Variants in CDK8 observed in about 807,000 individuals in gnomAD.
CDK8 encodes cyclin dependent kinase 8, also known as cyclin-dependent kinase 8.
In CDK8, 29 loss-of-function variants were observed where a neutral mutation model predicts 71.5. That is an observed-to-expected ratio of 0.41 (90% CI 0.30 to 0.55). CDK8 has a LOEUF of 0.55. CDK8 is among the 20% of genes least tolerant of loss of function. The pLI is 0.37. For synonymous variants in CDK8, 161 were observed against 192.1 expected, an observed-to-expected ratio of 0.84 and a Z score of 1.34; for missense variants, 288 against 572.6, an observed-to-expected ratio of 0.50 and a Z score of 5.07.
At chr13:26,331,119 T>G (rs1875295908) in intron 1 of CDK8, among the ~76,000 whole-genome samples, 1 of 152,238 alleles carries the variant, frequency 6.6e-6, no homozygotes, top group Admixed American at 6.5e-5. Flanking sequence ...ATCTTTTGTC[T>G]TTTTAATGAA....
intron 4 of CDK8, among the ~76,000 whole-genome samples, chr13:26,376,517 A>G (rs781040081): frequency 2.0e-5 from 3 of 152,212 alleles, no homozygotes; most frequent in Admixed American, 1.3e-4. Flanking sequence ...ATTCTTTATT[A>G]GAAGTAAGTT....
intron 1 of CDK8, among the ~76,000 whole-genome samples, chr13:26,263,668 G>C (rs1392628242): frequency 6.9e-6 from 1 of 145,862 alleles, no homozygotes; most frequent in Non-Finnish European, 1.5e-5. Flanking sequence ...ACAAACTTCT[G>C]ACCTTAGGGA....
chr13:26,353,734 T>C lies in CDK8; in HGVS notation c.316-6T>C. ...GCTTCTGTTGATATTTTTTTCTTTC[T>C]TTCAGCATATAATCAAGTTTCACAG... On this transcript the variant is annotated splice_polypyrimidine_tract_variant and splice_region_variant and intron_variant, in intron 3 of 12. Coordinates refer to ENST00000381527, the MANE Select transcript of CDK8 (RefSeq NM_001260.3). 1 of 1,600,036 alleles carries C rather than the reference T, an allele frequency of 6.2e-7. No individual in the cohort carries two copies. Among genetic ancestry groups the C allele is most frequent in the Non-Finnish European group, 8.5e-7 (1 of 1,172,546 alleles).
At chr13:26,339,569 T>C (rs1873137784) in intron 2 of CDK8, among the ~76,000 whole-genome samples, 1 of 150,916 alleles carries the variant, frequency 6.6e-6, no homozygotes, top group Non-Finnish European at 1.5e-5. Context: ...AGCATTATCA[T>C]ATAAATTTTT....
At chr13:26,359,028 A>T (rs1874018017) in intron 4 of CDK8, 1 of 303,270 alleles carries the variant, frequency 3.3e-6, no homozygotes, top group South Asian at 2.9e-5. Flanking sequence ...CTCTGTCTGT[A>T]AAATAAAAAT....
chr13:26,353,682 C>T, intron 3 of CDK8, 58 bp from the exon 4 acceptor site: 2 of 1,318,254 alleles, frequency 1.5e-6, no homozygotes, highest in Admixed American at 2.3e-5. Flanking sequence ...AAATATTATA[C>T]ATCAAATTAT....
intron 1 of CDK8, among the ~76,000 whole-genome samples, chr13:26,311,091 G>A (rs1241431819): frequency 6.9e-6 from 1 of 145,766 alleles, no homozygotes; most frequent in Non-Finnish European, 1.5e-5. Flanking sequence ...ATAGACTGCA[G>A]ATTTTTAACA....
chr13:26,377,404 T>G (rs1412925091), intron 4 of CDK8, among the ~76,000 whole-genome samples: 2 of 152,258 alleles, frequency 1.3e-5, no homozygotes, highest in Non-Finnish European at 2.9e-5. Flanking sequence ...CCTCAGTGCC[T>G]CTTAATTCAG....
intron 1 of CDK8, among the ~76,000 whole-genome samples, chr13:26,279,714 A>G (rs1354497527): frequency 1.3e-5 from 2 of 152,208 alleles, no homozygotes; most frequent in African/African-American, 4.8e-5. Context: ...ATTTAATAAA[A>G]ACTCATACAA....
At chr13:26,372,477 G>T (rs1308698900) in intron 4 of CDK8, among the ~76,000 whole-genome samples, 1 of 152,198 alleles carries the variant, frequency 6.6e-6, no homozygotes, top group Non-Finnish European at 1.5e-5. Flanking sequence ...CACAAATGAT[G>T]TAGTTAATTT....
chr13:26,356,014 A>T (rs1282659538), intron 4 of CDK8, among the ~76,000 whole-genome samples: 1 of 152,246 alleles, frequency 6.6e-6, no homozygotes, highest in Non-Finnish European at 1.5e-5. Flanking sequence ...AGTTTCTTTT[A>T]TCTCTCTTAT....
intron 1 of CDK8, among the ~76,000 whole-genome samples, chr13:26,328,529 A>G (rs1227721477): frequency 6.6e-6 from 1 of 152,226 alleles, no homozygotes; most frequent in East Asian, 1.9e-4. Context: ...TAATCAGTAT[A>G]TAACAATTTT....
chr13:26,385,063 A>C lies in CDK8; in HGVS notation c.515-148A>C, dbSNP rs17083976. 0.019 allele frequency: 12,115 copies of C among 637,240 alleles called. 1,107 individuals carry two copies. The African/African-American group carries it at 0.2, about 10-fold the overall frequency. The allele number at this position is 637,240 out of a possible 1,614,324, so 39.5% of individuals were successfully genotyped here. On this transcript the variant is annotated intron_variant, in intron 5 of 12. Coordinates refer to ENST00000381527, the MANE Select transcript of CDK8 (RefSeq NM_001260.3). ...TGGAGCTTTCAAACTTGCTTTATGT[A>C]AGACTTCTAAAATGGATGTTTTGTG... is the stretch of plus-strand genomic sequence containing the variant.
At chr13:26,353,138 T>G (rs887666161) in intron 3 of CDK8, among the ~76,000 whole-genome samples, 1 of 152,260 alleles carries the variant, frequency 6.6e-6, no homozygotes, top group Non-Finnish European at 1.5e-5. Context: ...TTTCTATGTA[T>G]AAAGTTGTGC....
At position 26,329,431 on chromosome 13, in the gene CDK8, G is replaced by A. The variant is rs571210540; in HGVS notation, c.129-8136G>A. On this transcript the variant is annotated intron_variant, in intron 1 of 12. Transcript: ENST00000381527. ...ACTCTACATACCTCTTTTGAGACAGGTGCCATAAAATACCCCCATCTTACC... is the reference window on the plus strand; with the variant it reads ...ACTCTACATACCTCTTTTGAGACAGATGCCATAAAATACCCCCATCTTACC... Among the ~76,000 whole-genome samples the A allele has an allele frequency of 8.1e-4, 38 of 46,712 alleles. No individual in the cohort carries two copies. In the South Asian group the frequency reaches 0.036, roughly 44 times the overall value. 30.6% of individuals were successfully genotyped at this position (46,712 alleles called of 152,430 possible).
intron 1 of CDK8, among the ~76,000 whole-genome samples, chr13:26,319,388 G>C (rs886416704): frequency 9.9e-5 from 15 of 151,770 alleles, no homozygotes; most frequent in South Asian, 2.1e-4. Context: ...AGAATTGCTT[G>C]AACTCGGGAG....
chr13:26,272,135 A>G (rs9581611), intron 1 of CDK8, among the ~76,000 whole-genome samples: 16,418 of 151,844 alleles, frequency 0.11, 2,632 homozygotes, highest in African/African-American at 0.35. Context: ...TAAAACACAA[A>G]CATTGTATAG....
At chr13:26,351,278 A>T (rs1873668193) in intron 3 of CDK8, among the ~76,000 whole-genome samples, 1 of 152,138 alleles carries the variant, frequency 6.6e-6, no homozygotes, top group African/African-American at 2.4e-5. Context: ...GCTTTTTATT[A>T]TGTATACATG....
At chr13:26,369,863 C>T (rs118069118) in intron 4 of CDK8, among the ~76,000 whole-genome samples, 2,099 of 151,832 alleles carry the variant, frequency 0.014, 26 homozygotes, top group Middle Eastern at 0.051. Context: ...GCCGGTTGGA[C>T]GATTTTTGAC....
Sources: allele counts gnomAD v4.1 joint callset (sites outside exome capture counted in the v4.1 genomes callset), GRCh38; gene constraint gnomAD v4.1.1; transcripts MANE v1.5; gene names NCBI Gene and HGNC (gene_info 2026-07-23, HGNC 2026-07-21).